Variants in CSGALNACT1 observed in about 807,000 individuals in gnomAD.
The protein encoded by CSGALNACT1 is chondroitin sulfate N-acetylgalactosaminyltransferase 1, also known as beta4GalNAcT-1.
Under a neutral mutation model 51.0 loss-of-function variants are expected in CSGALNACT1, and 52 were observed. The ratio of observed to expected loss-of-function variants is 1.02; its 90% CI spans 0.82 to 1.29. The LOEUF (loss-of-function observed/expected upper bound fraction) is 1.29. CSGALNACT1 is among the 50% of genes most tolerant of loss of function. CSGALNACT1 has a pLI of 0.00. For synonymous variants in CSGALNACT1, 341 were observed against 254.4 expected (o/e 1.34, Z -3.24); for missense variants, 935 against 679.2 (o/e 1.38, Z -4.19).
intron 1 of CSGALNACT1, among the ~76,000 whole-genome samples, chr8:19,667,300 T>C (rs1244683344): frequency 6.6e-6 from 1 of 151,020 alleles, no homozygotes; most frequent in Non-Finnish European, 1.5e-5. Flanking sequence ...CTGGGTGTTG[T>C]GGCACATGCC....
intron 1 of CSGALNACT1, among the ~76,000 whole-genome samples, chr8:19,711,322 C>T (rs926989891): frequency 6.6e-6 from 1 of 152,024 alleles, no homozygotes; most frequent in Admixed American, 6.6e-5. Context: ...ACATTTCCCT[C>T]CTGCAGGAGG....
intron 1 of CSGALNACT1, among the ~76,000 whole-genome samples, chr8:19,719,225 A>G (rs935789303): frequency 3.9e-5 from 6 of 152,094 alleles, no homozygotes; most frequent in African/African-American, 1.2e-4. Flanking sequence ...TGTCTTTCTG[A>G]TTTATATTTT....
chr8:19,663,002 A>C lies in CSGALNACT1; in HGVS notation c.-544+19471T>G, dbSNP rs188773275. Among the ~76,000 whole-genome samples, 75 of 152,334 alleles carry C rather than the reference A, an allele frequency of 4.9e-4. 2 individuals carry two copies. Among genetic ancestry groups the C allele is most frequent in the African/African-American group, 1.7e-3 (72 of 41,568 alleles). ...TGCAAGGAAAAGGAAAGGGGGAAAA[A>C]AGTGCTAGTGCTACAAATGCCTGGA... is the stretch of plus-strand genomic sequence containing the variant. On this transcript the variant is annotated intron_variant, in intron 1 of 9. Coordinates refer to the CSGALNACT1 transcript ENST00000332246.
intron 6 of CSGALNACT1, among the ~76,000 whole-genome samples, chr8:19,429,404 T>C (rs1329481671): frequency 6.6e-6 from 1 of 152,238 alleles, no homozygotes; most frequent in Non-Finnish European, 1.5e-5. Context: ...CTCAAACGCC[T>C]GACCTCAGGT....
intron 4 of CSGALNACT1, among the ~76,000 whole-genome samples, chr8:19,460,185 C>A (rs138146417): frequency 4.6e-5 from 7 of 152,300 alleles, no homozygotes; most frequent in African/African-American, 1.7e-4. Flanking sequence ...TCCCCATTTT[C>A]TAGTTTCACT....
At chr8:19,644,707 C>A (rs867516004) in intron 1 of CSGALNACT1, among the ~76,000 whole-genome samples, 2 of 81,366 alleles carry the variant, frequency 2.5e-5, no homozygotes, top group African/African-American at 5.4e-5. Flanking sequence ...GAGACTCCGT[C>A]TCAAAAAAAA....
chr8:19,597,364 T>C (rs1238302508), intron 2 of CSGALNACT1, among the ~76,000 whole-genome samples: 1 of 143,134 alleles, frequency 7.0e-6, no homozygotes, highest in Non-Finnish European at 1.5e-5. Flanking sequence ...GATGTGATCA[T>C]AGCTCACTGC....
At chr8:19,755,944 T>C (rs376409918) in intron 1 of CSGALNACT1, among the ~76,000 whole-genome samples, 5 of 152,188 alleles carry the variant, frequency 3.3e-5, no homozygotes, top group Admixed American at 1.3e-4. Context: ...TTCTAGGAAT[T>C]GACCATCTTC....
chr8:19,517,657 C>T (rs1272861223), intron 3 of CSGALNACT1, among the ~76,000 whole-genome samples: 1 of 152,034 alleles, frequency 6.6e-6, no homozygotes, highest in East Asian at 1.9e-4. Flanking sequence ...GGGAACAGTT[C>T]GTCTTACAAG....
intron 1 of CSGALNACT1, among the ~76,000 whole-genome samples, chr8:19,720,765 C>T (rs547435835): frequency 6.6e-6 from 1 of 152,320 alleles, no homozygotes; most frequent in East Asian, 1.9e-4. Flanking sequence ...GACTCTGGTG[C>T]TGCTGGCTCA....
At chr8:19,651,934 T>C (rs540440001) in intron 1 of CSGALNACT1, among the ~76,000 whole-genome samples, 80 of 151,222 alleles carry the variant, frequency 5.3e-4, no homozygotes, top group African/African-American at 1.9e-3. Context: ...TGTTTTGTTT[T>C]GTTTTGACTT....
intron 1 of CSGALNACT1, among the ~76,000 whole-genome samples, chr8:19,619,250 G>GGC (rs1554766125): frequency 8.3e-6 from 1 of 121,080 alleles, no homozygotes; most frequent in African/African-American, 2.9e-5. Context: ...GACAGGGTCG[G>GGC]GGGGGGGTGG....
intron 1 of CSGALNACT1, among the ~76,000 whole-genome samples, chr8:19,656,618 T>G: frequency 1.2e-5 from 1 of 84,806 alleles, no homozygotes; most frequent in Admixed American, 1.4e-4. Context: ...ACACACGAGA[T>G]CAGCAAAGAC....
chr8:19,731,860 G>C (rs866579222), intron 1 of CSGALNACT1, among the ~76,000 whole-genome samples: 8 of 152,146 alleles, frequency 5.3e-5, no homozygotes, highest in African/African-American at 1.9e-4. Flanking sequence ...TGTTGCCATG[G>C]TTAATAATTT....
At chr8:19,686,669 G>C (rs1352867211), upstream of CSGALNACT1, among the ~76,000 whole-genome samples, 1 of 152,208 alleles carries the variant, frequency 6.6e-6, no homozygotes, top group African/African-American at 2.4e-5. Context: ...CTGCAAACTG[G>C]AGCTTTTCAC....
At chr8:19,471,277 G>A (rs574668595) in intron 4 of CSGALNACT1, among the ~76,000 whole-genome samples, 13 of 152,256 alleles carry the variant, frequency 8.5e-5, no homozygotes, top group African/African-American at 2.6e-4. Context: ...CTGCGCATGC[G>A]GAAAGCCTAC....
intron 4 of CSGALNACT1, among the ~76,000 whole-genome samples, chr8:19,462,429 A>G (rs563088913): frequency 2.0e-5 from 3 of 152,346 alleles, no homozygotes; most frequent in African/African-American, 7.2e-5. Flanking sequence ...AGAGATGAAA[A>G]TACAGATAGC....
chr8:19,437,059 T>C (rs943590501), intron 6 of CSGALNACT1, among the ~76,000 whole-genome samples: 7 of 152,120 alleles, frequency 4.6e-5, no homozygotes, highest in Non-Finnish European at 7.3e-5. Context: ...GTACCACTTA[T>C]TGAGCAGGTT....
intron 1 of CSGALNACT1, among the ~76,000 whole-genome samples, chr8:19,680,308 C>T (rs529989687): frequency 2.0e-4 from 30 of 152,300 alleles, no homozygotes; most frequent in East Asian, 7.7e-4. Flanking sequence ...GTAATCCCAG[C>T]GCTTTGGGAG....
Sources: gnomAD v4.1 joint callset for allele counts (sites outside exome capture counted in the v4.1 genomes callset) on GRCh38, gnomAD v4.1.1 for gene constraint, MANE v1.5 for transcripts, NCBI Gene and HGNC (gene_info 2026-07-23, HGNC 2026-07-21) for gene names.